The following TLR6 variants were observed in gnomAD, a reference collection of about 807,000 sequenced individuals.
The protein encoded by TLR6 is toll like receptor 6.
TLR6 carries 9 observed loss-of-function variants against 16.1 expected under a neutral mutation model. The ratio of observed to expected loss-of-function variants is 0.56; its 90% CI spans 0.34 to 0.98. The LOEUF (loss-of-function observed/expected upper bound fraction) is 0.98. Among genes scored for constraint, TLR6 ranks in the 50% least tolerant of loss-of-function variants. The probability of loss-of-function intolerance (pLI) is 0.02; values close to 1 mark genes in which losing one functional copy is unlikely to be tolerated. For synonymous variants in TLR6, 340 were observed against 338.6 expected, an observed-to-expected ratio of 1.00 and a Z score of -0.04; for missense variants, 786 against 921.0, an observed-to-expected ratio of 0.85 and a Z score of 1.90.
chr4:38,842,453 G>T (rs1284682448), intron 1 of TLR6, among the ~76,000 whole-genome samples: 1 of 152,202 alleles, frequency 6.6e-6, no homozygotes, highest in Non-Finnish European at 1.5e-5. Flanking sequence ...CCTTGCTGGG[G>T]GCTGGTAGCA....
chr4:38,828,740 A>G, exon 2 of TLR6: 1 of 1,613,766 alleles, frequency 6.2e-7, no homozygotes, highest in Non-Finnish European at 8.5e-7. Context: ...ACCTCTGGTG[A>G]GTTCTGATAA....
exon 2 of TLR6, chr4:38,826,652 A>C (rs1485695228): frequency 6.4e-6 from 1 of 155,406 alleles, no homozygotes; most frequent in Non-Finnish European, 1.4e-5. Flanking sequence ...TTTTTCCCCA[A>C]GCCCCAGACT....
exon 2 of TLR6, chr4:38,823,966 G>C (rs1392665347): frequency 3.3e-5 from 5 of 152,292 alleles, no homozygotes; most frequent in Non-Finnish European, 7.3e-5. Context: ...CAGATGGGGA[G>C]GAGCAGCACC....
intron 1 of TLR6, among the ~76,000 whole-genome samples, chr4:38,856,358 C>G (rs1712987257): frequency 6.6e-6 from 1 of 152,178 alleles, no homozygotes; most frequent in Non-Finnish European, 1.5e-5. Flanking sequence ...AGATCAAACA[C>G]ACGTCTGCTG....
chr4:38,831,922 C>T (rs2109420400), intron 1 of TLR6, among the ~76,000 whole-genome samples: 1 of 152,184 alleles, frequency 6.6e-6, no homozygotes, highest in East Asian at 1.9e-4. Flanking sequence ...CAAAATGGTG[C>T]AGCCACTATG....
chr4:38,862,216 C>T, the TLR6 span, among the ~76,000 whole-genome samples: 1 of 152,302 alleles, frequency 6.6e-6, no homozygotes, highest in Middle Eastern at 3.4e-3. Flanking sequence ...TCAAGGAAGT[C>T]ACTCTTGCAA....
At chr4:38,824,566 G>A (rs527552150) in exon 2 of TLR6, 10 of 152,158 alleles carry the variant, frequency 6.6e-5, no homozygotes, top group South Asian at 6.2e-4. Flanking sequence ...TTTTTTTGTC[G>A]TTGTTGTTAC....
intron 1 of TLR6, among the ~76,000 whole-genome samples, chr4:38,855,836 T>G (rs180963692): frequency 6.7e-6 from 1 of 149,828 alleles, no homozygotes; most frequent in Non-Finnish European, 1.5e-5. Context: ...AGTGGAAGAT[T>G]AGAGAGTTCA....
upstream of TLR6, among the ~76,000 whole-genome samples, chr4:38,860,238 G>A (rs1713165902): frequency 6.6e-6 from 1 of 152,130 alleles, no homozygotes; most frequent in African/African-American, 2.4e-5. Context: ...TTGGGAGGCT[G>A]AGGCAGGCAG....
At chr4:38,824,198 A>T (rs921677136) in exon 2 of TLR6, 5 of 152,124 alleles carry the variant, frequency 3.3e-5, no homozygotes, top group African/African-American at 1.2e-4. Context: ...CTGCGCATCT[A>T]CAATGGGGTG....
chr4:38,829,208 T>C (rs1425080569), exon 2 of TLR6: 1 of 1,614,064 alleles, frequency 6.2e-7, no homozygotes, highest in Non-Finnish European at 8.5e-7. Context: ...ATCAAGTAGC[T>C]GGATTCTGTT....
At position 38,828,553 on chromosome 4, in the gene TLR6, C is replaced by CA. The variant is rs765849747; in HGVS notation, c.920dup (p.Leu307PhefsTer24). On this transcript the variant is annotated frameshift_variant, in exon 2 of 2. Transcript: ENST00000436693. LOFTEE classifies it low-confidence loss of function (END_TRUNC). ...CTTGGTTCGTGATATGTTCTATTGT[C>CA]AATGCTTTCAATGTCGTTTTAGAAT... 4 of 1,613,904 alleles carry CA rather than the reference C, an allele frequency of 2.5e-6. No homozygotes were observed. Among genetic ancestry groups the CA allele is most frequent in the Non-Finnish European group, 2.5e-6 (3 of 1,179,908 alleles).
intron 1 of TLR6, among the ~76,000 whole-genome samples, chr4:38,834,245 A>T (rs11096960): frequency 0.58 from 85,987 of 147,654 alleles, 25,659 homozygotes; most frequent in East Asian, 0.73. Context: ...GCTCAAAAAA[A>T]AAATATATAT....
chr4:38,829,516 C>G lies in TLR6; in HGVS notation c.-43G>C, dbSNP rs774702523. The G allele has an allele frequency of 1.6e-6, 2 of 1,244,086 alleles. No homozygotes were observed. The highest frequency in any genetic ancestry group is 3.0e-5 in the African/African-American group (2 of 66,434). The allele number at this position is 1,244,086 out of a possible 1,614,324, so 77.1% of individuals were successfully genotyped here. A position where few individuals can be genotyped will look rare whatever the true frequency, so the allele number is the denominator to read the frequency against. ...CCTAAAGGGTTGTTCTTCTTCAGAGCATCTTGATATGAGTCCAAATTCTAG... is the reference window on the plus strand; with the variant it reads ...CCTAAAGGGTTGTTCTTCTTCAGAGGATCTTGATATGAGTCCAAATTCTAG... On this transcript the variant is annotated 5_prime_UTR_variant, in exon 2 of 2. The change abolishes an upstream ATG in the 5' untranslated region. Transcript: ENST00000436693.
chr4:38,844,946 C>A (rs1297484610), intron 1 of TLR6, among the ~76,000 whole-genome samples: 7 of 152,086 alleles, frequency 4.6e-5, no homozygotes, highest in Admixed American at 4.6e-4. Flanking sequence ...GTATTCCCAG[C>A]TACTTTGGGG....
chr4:38,841,052 G>A (rs550344962), intron 1 of TLR6, among the ~76,000 whole-genome samples: 5 of 151,932 alleles, frequency 3.3e-5, no homozygotes, highest in Non-Finnish European at 7.4e-5. Flanking sequence ...TTTTTGGGGG[G>A]TGGGGTGGAT....
intron 1 of TLR6, among the ~76,000 whole-genome samples, chr4:38,834,120 C>A (rs1223848901): frequency 1.3e-5 from 2 of 151,000 alleles, no homozygotes; most frequent in Non-Finnish European, 3.0e-5. Flanking sequence ...CACCTGTAAT[C>A]CCAGCTACTT....
upstream of TLR6, among the ~76,000 whole-genome samples, chr4:38,860,853 G>T (rs1713177685): frequency 6.6e-6 from 1 of 152,222 alleles, no homozygotes; most frequent in Non-Finnish European, 1.5e-5. Context: ...ACAAATGGTG[G>T]CCAGAACATG....
intron 1 of TLR6, 44 bp from the exon 2 acceptor site, chr4:38,829,581 T>C: frequency 1.5e-6 from 1 of 689,356 alleles, no homozygotes; most frequent in Non-Finnish European, 2.4e-6. Flanking sequence ...ATCGGATGGT[T>C]ACTCTCAAAC....
Sources: gnomAD v4.1 joint callset for allele counts (sites outside exome capture counted in the v4.1 genomes callset) on GRCh38, gnomAD v4.1.1 for gene constraint, MANE v1.5 for transcripts, NCBI Gene and HGNC (gene_info 2026-07-23, HGNC 2026-07-21) for gene names.